Variants in CSMD1 observed in about 807,000 individuals in gnomAD.
The protein encoded by CSMD1 is CUB and Sushi multiple domains 1.
CSMD1 carries 213 observed loss-of-function variants against 417.5 expected under a neutral mutation model. The observed-to-expected ratio is 0.51, with a 90% CI of 0.46 to 0.57. The LOEUF (loss-of-function observed/expected upper bound fraction) is 0.57, where lower values mean the gene tolerates loss of function less well. Among genes scored for constraint, CSMD1 ranks in the 20% least tolerant of loss-of-function variants. CSMD1 has a pLI of 0.00. For missense variants in CSMD1, 6,923 were observed against 4,529.7 expected (o/e 1.53, Z -15.17); for synonymous variants, 2,862 against 1,736.8 (o/e 1.65, Z -16.11).
intron 3 of CSMD1, among the ~76,000 whole-genome samples, chr8:4,119,474 A>G (rs1802353974): frequency 6.6e-6 from 1 of 152,172 alleles, no homozygotes; most frequent in South Asian, 2.1e-4. Context: ...CCGAAAACCC[A>G]TTGGTTAAAC....
At chr8:2,974,425 T>C (rs770265725) in intron 56 of CSMD1, 26 bp downstream of exon 56, 19 of 1,502,280 alleles carry the variant, frequency 1.3e-5, no homozygotes, top group Non-Finnish European at 1.6e-5. Flanking sequence ...TCTGTAATTC[T>C]GTCAGTTCAC....
At chr8:3,996,317 A>T (rs1473312448) in intron 5 of CSMD1, among the ~76,000 whole-genome samples, 1 of 152,230 alleles carries the variant, frequency 6.6e-6, no homozygotes, top group South Asian at 2.1e-4. Context: ...TATATATTTT[A>T]TACTTCAATT....
chr8:4,356,033 G>C (rs1051141162), intron 3 of CSMD1, among the ~76,000 whole-genome samples: 1 of 152,036 alleles, frequency 6.6e-6, no homozygotes, highest in Middle Eastern at 3.2e-3. Flanking sequence ...CTGGTGTTTG[G>C]GAGATCCTGG....
chr8:4,257,704 G>C (rs57350065), intron 3 of CSMD1, among the ~76,000 whole-genome samples: 13,993 of 152,196 alleles, frequency 0.092, 945 homozygotes, highest in East Asian at 0.35. Flanking sequence ...TCTAACGTCA[G>C]TGTCACTGGG....
rs1367450448 is a variant in CSMD1 at position 4,573,228 on chromosome 8, G to C, written c.302+64114C>G. On this transcript the variant is annotated intron_variant, in intron 2 of 69. Coordinates refer to ENST00000635120, the MANE Select transcript of CSMD1 (RefSeq NM_033225.6). ...GGTTTTTGGAATTTTCAGCATTTTT[G>C]TGCTGGTTTTTCCTCATCTTTGTGG... Among the ~76,000 whole-genome samples the C allele has an allele frequency of 3.9e-5, 6 of 152,134 alleles. No individual in the cohort carries two copies. The South Asian group carries it at 1.2e-3, about 32-fold the overall frequency.
chr8:4,047,177 G>C (rs1016491040), intron 3 of CSMD1, among the ~76,000 whole-genome samples: 4 of 152,184 alleles, frequency 2.6e-5, no homozygotes, highest in Admixed American at 6.5e-5. Flanking sequence ...TATCTGACCT[G>C]TGCTGGGCCA....
chr8:3,822,833 C>A (rs917809289), intron 5 of CSMD1, among the ~76,000 whole-genome samples: 1 of 151,884 alleles, frequency 6.6e-6, no homozygotes, highest in Non-Finnish European at 1.5e-5. Flanking sequence ...TTTTAGTAGG[C>A]ACATAAAATG....
chr8:3,152,965 C>G (rs1377440336), intron 39 of CSMD1, among the ~76,000 whole-genome samples: 1 of 152,140 alleles, frequency 6.6e-6, no homozygotes, highest in African/African-American at 2.4e-5. Context: ...AGGTGTTAAA[C>G]CAGAACAACT....
At chr8:4,857,009 C>T (rs1373948568) in intron 1 of CSMD1, among the ~76,000 whole-genome samples, 1 of 148,988 alleles carries the variant, frequency 6.7e-6, no homozygotes, top group East Asian at 2.0e-4. Context: ...TGACCACATA[C>T]TGGGAAGTAA....
intron 5 of CSMD1, among the ~76,000 whole-genome samples, chr8:3,964,152 A>G (rs1377761488): frequency 2.0e-5 from 3 of 152,216 alleles, no homozygotes; most frequent in African/African-American, 7.2e-5. Context: ...CAAGAGGGTG[A>G]AGACCAATTT....
intron 3 of CSMD1, among the ~76,000 whole-genome samples, chr8:4,343,833 A>G (rs1276212821): frequency 6.6e-6 from 1 of 152,070 alleles, no homozygotes; most frequent in Non-Finnish European, 1.5e-5. Context: ...TACCACTTCA[A>G]TTTGTTTTTC....
In CSMD1 at chr8:4,485,532, G is replaced by C. The variant is rs376733224; in HGVS notation, c.303-65467C>G. 2.0e-4 allele frequency among the ~76,000 whole-genome samples: 30 copies of C among 152,176 alleles called. No individual in the cohort carries two copies. The South Asian group carries it at 6.2e-3, about 32-fold the overall frequency. On this transcript the variant is annotated intron_variant, in intron 2 of 69. Transcript: ENST00000635120. ...TCTTACCATCAATAGTCCCTTAATG[G>C]AATGGCAATATTCTTATAATTGGGT...
rs17328881 is a variant in CSMD1, at chr8:3,913,344, G to C, written c.818+84559C>G. ...AGGAGTGAGAATCCAAGGCCAATCC[G>C]ATATCAGAACAGAGGAAGCAACAAG... On this transcript the variant is annotated intron_variant, in intron 5 of 69. Transcript: ENST00000635120. Among the ~76,000 whole-genome samples, 8 of 152,070 alleles carry C rather than the reference G, an allele frequency of 5.3e-5. No homozygotes were observed. The East Asian group carries it at 5.8e-4, about 11-fold the overall frequency.
intron 3 of CSMD1, among the ~76,000 whole-genome samples, chr8:4,407,727 G>C (rs1409439599): frequency 1.2e-4 from 18 of 152,104 alleles, no homozygotes; most frequent in Admixed American, 1.2e-3. Context: ...GTTTTTCCAT[G>C]ATTCATGCAT....
intron 12 of CSMD1, among the ~76,000 whole-genome samples, chr8:3,444,380 A>G (rs949794580): frequency 1.1e-4 from 17 of 152,348 alleles, no homozygotes; most frequent in African/African-American, 4.1e-4. Context: ...AATACATTCC[A>G]TAGATTGAAA....
At chr8:3,562,111 G>A (rs900290291) in intron 10 of CSMD1, among the ~76,000 whole-genome samples, 2 of 143,750 alleles carry the variant, frequency 1.4e-5, no homozygotes, top group African/African-American at 2.7e-5. Flanking sequence ...ATAACCATAT[G>A]AGGGAAAAGA....
intron 5 of CSMD1, among the ~76,000 whole-genome samples, chr8:3,782,798 A>C (rs190202272): frequency 1.4e-4 from 21 of 152,318 alleles, no homozygotes; most frequent in Admixed American, 3.3e-4. Flanking sequence ...AAGATAACAA[A>C]TGATTTTATA....
rs73661115 is a variant in CSMD1, at chr8:4,756,232, G to C, written c.86-118674C>G. Among the ~76,000 whole-genome samples the C allele has an allele frequency of 6.6e-3, 1,007 of 152,266 alleles. 9 individuals are homozygous for C. Among genetic ancestry groups the C allele is most frequent in the African/African-American group, 0.023 (974 of 41,560 alleles). On this transcript the variant is annotated intron_variant, in intron 1 of 69. Transcript: ENST00000635120. ...CTAGCATAATATAGGGCATCATGAT[G>C]ATGAAATGGGTTATACAGAAAAGAG...
intron 23 of CSMD1, among the ~76,000 whole-genome samples, chr8:3,323,979 A>T (rs551044448): frequency 1.5e-5 from 2 of 133,206 alleles, no homozygotes; most frequent in Non-Finnish European, 3.2e-5. Context: ...ACCTTTCATC[A>T]TTGTTAAAAT....
Sources: allele counts gnomAD v4.1 joint callset (sites outside exome capture counted in the v4.1 genomes callset), GRCh38; gene constraint gnomAD v4.1.1; transcripts MANE v1.5; gene names NCBI Gene and HGNC (gene_info 2026-07-23, HGNC 2026-07-21).